PHACTR4: variants seen among roughly 807,000 people sequenced by gnomAD.
PHACTR4 encodes the protein protein phosphatase 1, regulatory subunit 124.
A neutral mutation model predicts 72.7 loss-of-function variants in PHACTR4; 51 were observed. That is an observed-to-expected ratio of 0.70 (90% CI 0.56 to 0.89). The LOEUF is 0.89. Among genes scored for constraint, PHACTR4 ranks in the 40% least tolerant of loss-of-function variants. The probability of loss-of-function intolerance (pLI) is 0.00; values close to 1 mark genes in which losing one functional copy is unlikely to be tolerated. For synonymous variants in PHACTR4, 255 were observed against 302.5 expected, an observed-to-expected ratio of 0.84 and a Z score of 1.63; for missense variants, 731 against 861.8, an observed-to-expected ratio of 0.85 and a Z score of 1.90.
rs1660459697 is a variant in PHACTR4 at position 28,483,963 on chromosome 1, G to T, written c.1760+3359G>T. On this transcript the variant is annotated intron_variant, in intron 9 of 13. Transcript: ENST00000373839. ...CTCCGTACTTTGGGAGGCCAGTGTGGAAGAATTGCTTGAGGCCAGGAGTTT... is the reference window on the plus strand; with the variant it reads ...CTCCGTACTTTGGGAGGCCAGTGTGTAAGAATTGCTTGAGGCCAGGAGTTT... 2.0e-5 allele frequency among the ~76,000 whole-genome samples: 3 copies of T among 152,044 alleles called. 1 individual carries two copies. The South Asian group carries it at 6.2e-4, about 31-fold the overall frequency.
intron 1 of PHACTR4, among the ~76,000 whole-genome samples, chr1:28,393,577 T>C (rs550394784): frequency 5.9e-4 from 90 of 152,300 alleles, no homozygotes; most frequent in Non-Finnish European, 1.8e-4. Context: ...TATAAAACTA[T>C]AGCACATACA....
chr1:28,421,719 C>T (rs1655523230), intron 2 of PHACTR4, among the ~76,000 whole-genome samples: 1 of 152,066 alleles, frequency 6.6e-6, no homozygotes, highest in Non-Finnish European at 1.5e-5. Context: ...TCAAAGGGCA[C>T]AAATAGCAAG....
chr1:28,476,364 T>A (rs1272135894), intron 8 of PHACTR4, 73 bp downstream of exon 8: 1 of 1,401,300 alleles, frequency 7.1e-7, no homozygotes, highest in East Asian at 2.5e-5. Context: ...TTAGCAAGTG[T>A]CAAAAGAGAT....
intron 2 of PHACTR4, among the ~76,000 whole-genome samples, chr1:28,448,780 A>AAACAAAAAAC (rs1553195452): frequency 6.0e-5 from 8 of 134,450 alleles, no homozygotes; most frequent in African/African-American, 2.7e-4. Context: ...AAAAAAAAAA[A>AAACAAAAAAC]AAAAACCTGA....
Position 28,498,412 on chromosome 1 carries a change from T to A in PHACTR4, c.*1863T>A, listed in dbSNP as rs992128466. 2.0e-5 allele frequency: 3 copies of A among 152,380 alleles called. No homozygotes were observed. Among genetic ancestry groups the A allele is most frequent in the African/African-American group, 7.2e-5 (3 of 41,468 alleles). The allele number at this position is 152,380 out of a possible 1,614,324, so 9.4% of individuals were successfully genotyped here. A position where few individuals can be genotyped will look rare whatever the true frequency, so the allele number is the denominator to read the frequency against. On this transcript the variant is annotated 3_prime_UTR_variant, in exon 14 of 14. Coordinates refer to ENST00000373839, the MANE Select transcript of PHACTR4 (RefSeq NM_001048183.3). ...CCCCTCTTCCACACTATAACCAGTA[T>A]GGTTGGTGCTGGGGCATTGACTCAG...
chr1:28,373,622 C>T (rs566981473), intron 1 of PHACTR4, among the ~76,000 whole-genome samples: 6 of 152,200 alleles, frequency 3.9e-5, no homozygotes, highest in South Asian at 4.1e-4. Context: ...AGACAGGTCT[C>T]GCCATGTTGC....
At chr1:28,476,342 T>C in intron 8 of PHACTR4, 51 bp downstream of exon 8, 1 of 1,496,878 alleles carries the variant, frequency 6.7e-7, no homozygotes, top group Middle Eastern at 1.9e-4. Context: ...CAGATAAAAC[T>C]ATTTGCTGAT....
intron 2 of PHACTR4, among the ~76,000 whole-genome samples, chr1:28,448,627 T>C (rs1315487358): frequency 7.4e-6 from 1 of 135,460 alleles, no homozygotes; most frequent in Non-Finnish European, 1.6e-5. Context: ...CTGGGCATGG[T>C]GGTGGGCGCC....
intron 2 of PHACTR4, among the ~76,000 whole-genome samples, chr1:28,450,952 A>T (rs777543638): frequency 8.0e-4 from 108 of 135,262 alleles, no homozygotes; most frequent in African/African-American, 3.0e-3. Flanking sequence ...CTGGAACTAC[A>T]GGCATGTACC....
intron 6 of PHACTR4, among the ~76,000 whole-genome samples, chr1:28,472,238 T>C (rs1463200901): frequency 6.6e-6 from 1 of 151,462 alleles, no homozygotes; most frequent in Non-Finnish European, 1.5e-5. Context: ...GACAGTAGGA[T>C]GCAGTCAAAT....
intron 8 of PHACTR4, among the ~76,000 whole-genome samples, chr1:28,477,643 A>G (rs1660008543): frequency 6.6e-6 from 1 of 152,108 alleles, no homozygotes; most frequent in South Asian, 2.1e-4. Flanking sequence ...TGAAATATAC[A>G]ATGAATTATT....
In PHACTR4 at chr1:28,496,776, T is replaced by C; in HGVS notation, c.*227T>C. On this transcript the variant is annotated 3_prime_UTR_variant, in exon 14 of 14. Coordinates refer to ENST00000373839, the MANE Select transcript of PHACTR4 (RefSeq NM_001048183.3). The stretch of plus-strand genomic sequence containing the variant: ...AGTGCTTTTGAACCTTTCAATATTG[T>C]AGCATGCTTGAGGAGTTTTTCCCTT... The C allele has an allele frequency of 1.7e-6, 1 of 578,768 alleles. No individual in the cohort carries two copies. The allele number at this position is 578,768 out of a possible 1,614,324, so 35.9% of individuals were successfully genotyped here.
At chr1:28,411,961 T>A (rs1654823926) in intron 2 of PHACTR4, among the ~76,000 whole-genome samples, 1 of 152,154 alleles carries the variant, frequency 6.6e-6, no homozygotes, top group African/African-American at 2.4e-5. Flanking sequence ...GAAATAAAAG[T>A]AGTGAGGGAT....
At chr1:28,418,516 A>G (rs1194224626) in intron 2 of PHACTR4, among the ~76,000 whole-genome samples, 1 of 151,922 alleles carries the variant, frequency 6.6e-6, no homozygotes, top group Non-Finnish European at 1.5e-5. Flanking sequence ...ACAAACAAAT[A>G]CATTTGTTCT....
rs1461578950 is a variant in PHACTR4, at chr1:28,491,714, T to C, written c.1943T>C (p.Val648Ala). ...ARKILRFNEY[V>A]EVTDAQDYDR... is the part of the protein sequence containing the mutation. ...AAGATTCTGAGGTTTAATGAATATG[T>C]AGAGGTAACAGATGCTCAAGATTAT... The change falls in exon 12 of 14, where the codon GTA (valine) becomes GCA (alanine). Residue 648 changes from valine (V) to alanine (A), a missense_variant. Coordinates refer to ENST00000373839, the MANE Select transcript of PHACTR4 (RefSeq NM_001048183.3). 1 of 1,614,190 alleles carries C rather than the reference T, an allele frequency of 6.2e-7. No individual in the cohort carries two copies. Among genetic ancestry groups the C allele is most frequent in the Admixed American group, 1.7e-5 (1 of 60,008 alleles).
At chr1:28,407,489 G>A (rs528356975) in intron 2 of PHACTR4, 26 bp downstream of exon 2, 1 of 1,592,970 alleles carries the variant, frequency 6.3e-7, no homozygotes, top group South Asian at 1.1e-5. Flanking sequence ...ATTGTTCTTA[G>A]TAAATGACAT....
intron 2 of PHACTR4, among the ~76,000 whole-genome samples, chr1:28,448,480 CTG>C (rs1307032725): frequency 4.0e-5 from 6 of 151,038 alleles, no homozygotes; most frequent in African/African-American, 1.2e-4. Flanking sequence ...TGGCCGGGCG[CTG>C]TGTCTTATGC....
At chr1:28,479,651 C>G (rs569573952) in intron 8 of PHACTR4, among the ~76,000 whole-genome samples, 6 of 151,780 alleles carry the variant, frequency 4.0e-5, no homozygotes, top group Non-Finnish European at 8.8e-5. Context: ...TTTGGGAGGC[C>G]GAGGTGGGTG....
In PHACTR4 at chr1:28,465,847, T is replaced by G; in HGVS notation, c.434T>G (p.Leu145Arg). 6.2e-7 allele frequency: 1 copy of G among 1,605,578 alleles called. No homozygotes were observed. Among genetic ancestry groups the G allele is most frequent in the Non-Finnish European group, 8.5e-7 (1 of 1,177,690 alleles). Reference protein sequence around the residue: ...AIPEEDLKKRLGSTGSQPNSE... With the variant: ...AIPEEDLKKRRGSTGSQPNSE... The stretch of plus-strand genomic sequence containing the variant: ...CCAGAAGAGGACCTAAAGAAACGAC[T>G]AGGTAAGAAACTCTGGATTTTTGAG... Residue 145 changes from leucine (L) to arginine (R), a missense_variant and splice_region_variant, in exon 5 of 14, where the codon CTA (leucine) becomes CGA (arginine). Physicochemically the swap from Leu to Arg is moderately radical, Grantham distance 102. Coordinates refer to ENST00000373839, the MANE Select transcript of PHACTR4 (RefSeq NM_001048183.3).
Sources: allele counts gnomAD v4.1 joint callset (sites outside exome capture counted in the v4.1 genomes callset), GRCh38; gene constraint gnomAD v4.1.1; transcripts MANE v1.5; gene names NCBI Gene and HGNC (gene_info 2026-07-23, HGNC 2026-07-21).